The following NKAIN2 variants were observed in gnomAD, a reference collection of about 807,000 sequenced individuals.
The protein encoded by NKAIN2 is sodium/potassium-transporting ATPase subunit beta-1-interacting protein 2.
NKAIN2 carries 14 observed loss-of-function variants against 32.6 expected under a neutral mutation model. The ratio of observed to expected loss-of-function variants is 0.43; its 90% confidence interval spans 0.28 to 0.67. NKAIN2 has a LOEUF of 0.67. Among genes scored for constraint, NKAIN2 ranks in the 30% least tolerant of loss-of-function variants. NKAIN2 has a pLI of 0.17. For missense variants in NKAIN2, 198 were observed against 258.3 expected (o/e 0.77, Z 1.60); for synonymous variants, 80 against 87.2 (o/e 0.92, Z 0.46).
Position 124,355,320 on chromosome 6 carries a change from C to G in NKAIN2, c.246C>G (p.Phe82Leu). 4.3e-6 allele frequency: 7 copies of G among 1,609,950 alleles called. No homozygotes were observed. Among genetic ancestry groups the G allele is most frequent in the Non-Finnish European group, 6.0e-6 (7 of 1,176,320 alleles). The change falls in exon 3 of 7, where the codon TTC (phenylalanine) becomes TTG (leucine). Residue 82 changes from phenylalanine (F) to leucine (L), a missense_variant. Coordinates refer to ENST00000368417, the MANE Select transcript of NKAIN2 (RefSeq NM_001040214.3). ...CGTGGAATGTGTTTGTTATCTGCTT[C>G]TATTTGGAGGCTGGGGACCTCTCAA... ...WVTWNVFVIC[F>L]YLEAGDLSKE... is the part of the protein sequence containing the mutation.
chr6:124,527,141 A>G (rs1429471696), intron 3 of NKAIN2, among the ~76,000 whole-genome samples: 3 of 152,160 alleles, frequency 2.0e-5, no homozygotes, highest in Non-Finnish European at 4.4e-5. Context: ...AGGCAAATCA[A>G]TGCAAGTCTT....
intron 3 of NKAIN2, among the ~76,000 whole-genome samples, chr6:124,489,614 C>T (rs951496088): frequency 1.3e-5 from 2 of 151,848 alleles, no homozygotes; most frequent in Admixed American, 6.6e-5. Context: ...TTGAATATCT[C>T]ATATAATTTA....
At chr6:123,932,597 T>G (rs1776306119) in intron 1 of NKAIN2, among the ~76,000 whole-genome samples, 1 of 151,792 alleles carries the variant, frequency 6.6e-6, no homozygotes, top group Admixed American at 6.6e-5. Flanking sequence ...TTTCTATTTT[T>G]TAGTAGAGAC....
chr6:123,834,992 T>C (rs1474792558), intron 1 of NKAIN2, among the ~76,000 whole-genome samples: 2 of 152,198 alleles, frequency 1.3e-5, no homozygotes, highest in South Asian at 2.1e-4. Flanking sequence ...AGGATTTCTA[T>C]ATCTATGTTC....
chr6:124,157,651 C>T (rs754531342), intron 1 of NKAIN2, among the ~76,000 whole-genome samples: 1 of 152,074 alleles, frequency 6.6e-6, no homozygotes, highest in South Asian at 2.1e-4. Context: ...TGATCATGTA[C>T]GTATGCTTTT....
At chr6:124,298,422 C>G (rs868212951) in intron 2 of NKAIN2, among the ~76,000 whole-genome samples, 32 of 152,032 alleles carry the variant, frequency 2.1e-4, no homozygotes, top group Middle Eastern at 3.2e-3. Context: ...ATTCGAATTA[C>G]TAGGAATGAA....
intron 3 of NKAIN2, among the ~76,000 whole-genome samples, chr6:124,492,076 G>C (rs560037983): frequency 6.6e-6 from 1 of 151,894 alleles, no homozygotes. Flanking sequence ...AAAGGTAAAA[G>C]AAGACCTATT....
At chr6:124,795,152 A>T (rs1562387562) in intron 5 of NKAIN2, among the ~76,000 whole-genome samples, 1 of 152,162 alleles carries the variant, frequency 6.6e-6, no homozygotes, top group Non-Finnish European at 1.5e-5. Context: ...TTAAGTTTCC[A>T]TTACTAAGAG....
intron 3 of NKAIN2, among the ~76,000 whole-genome samples, chr6:124,648,610 G>A (rs1402021615): frequency 6.6e-6 from 1 of 152,126 alleles, no homozygotes; most frequent in African/African-American, 2.4e-5. Flanking sequence ...CAAGTTCATG[G>A]AGTGTGATGG....
At chr6:124,356,800 T>C (rs1799005667) in intron 3 of NKAIN2, among the ~76,000 whole-genome samples, 1 of 152,208 alleles carries the variant, frequency 6.6e-6, no homozygotes. Context: ...ATCCACTTTC[T>C]TCAAAGGAAT....
intron 1 of NKAIN2, among the ~76,000 whole-genome samples, chr6:123,916,767 T>A (rs1775516336): frequency 6.6e-6 from 1 of 151,568 alleles, no homozygotes; most frequent in African/African-American, 2.4e-5. Flanking sequence ...TATGTATCTA[T>A]CTTATCTATG....
At chr6:124,791,467 C>T (rs1779740323) in intron 5 of NKAIN2, 68 bp downstream of exon 5, 1 of 1,020,858 alleles carries the variant, frequency 9.8e-7, no homozygotes, top group Non-Finnish European at 1.5e-6. Flanking sequence ...TCCTACTTAG[C>T]CTTCCTATTC....
At chr6:124,373,349 A>G (rs189928583) in intron 3 of NKAIN2, among the ~76,000 whole-genome samples, 2 of 152,236 alleles carry the variant, frequency 1.3e-5, no homozygotes, top group African/African-American at 4.8e-5. Flanking sequence ...AAATGAAAGT[A>G]GTATGTGTGC....
chr6:124,258,624 A>C (rs1166875547), intron 1 of NKAIN2, among the ~76,000 whole-genome samples: 1 of 152,176 alleles, frequency 6.6e-6, no homozygotes, highest in Non-Finnish European at 1.5e-5. Flanking sequence ...AAGTTACTTA[A>C]CCTCTCTGGG....
intron 5 of NKAIN2, among the ~76,000 whole-genome samples, chr6:124,805,096 G>GTCTGA (rs1398797538): frequency 6.9e-6 from 1 of 145,746 alleles, no homozygotes; most frequent in African/African-American, 2.4e-5. Context: ...AGTAACCTCT[G>GTCTGA]CAGACTTAAA....
At chr6:124,597,759 C>T (rs897024425) in intron 3 of NKAIN2, among the ~76,000 whole-genome samples, 11 of 152,060 alleles carry the variant, frequency 7.2e-5, no homozygotes, top group Admixed American at 2.6e-4. Flanking sequence ...TTCCTCTAAC[C>T]CTGAACAAAT....
intron 1 of NKAIN2, among the ~76,000 whole-genome samples, chr6:124,233,614 G>A (rs990704490): frequency 3.9e-5 from 6 of 152,122 alleles, no homozygotes; most frequent in Non-Finnish European, 8.8e-5. Context: ...CCCACATAAG[G>A]CATCTTGACT....
intron 2 of NKAIN2, among the ~76,000 whole-genome samples, chr6:124,288,344 A>C (rs921742454): frequency 1.1e-4 from 17 of 152,220 alleles, no homozygotes; most frequent in Non-Finnish European, 2.2e-4. Flanking sequence ...ATAAATGAAC[A>C]AAGGTGCTGT....
In NKAIN2 at chr6:124,532,064, A is replaced by G. The variant is rs60123108; in HGVS notation, c.274-126122A>G. On this transcript the variant is annotated intron_variant, in intron 3 of 6. Transcript: ENST00000368417. ...TGTCTGATTTAGTAGCCAGTCCCTC[A>G]GGTGAAGGATGTAAACGTTGGGGTG... Among the ~76,000 whole-genome samples, 497 of 152,310 alleles carry G rather than the reference A, an allele frequency of 3.3e-3. 4 individuals carry two copies. Among genetic ancestry groups the G allele is most frequent in the African/African-American group, 0.011 (476 of 41,570 alleles).
Sources: allele counts gnomAD v4.1 joint callset (sites outside exome capture counted in the v4.1 genomes callset), GRCh38; gene constraint gnomAD v4.1.1; transcripts MANE v1.5; gene names NCBI Gene and HGNC (gene_info 2026-07-23, HGNC 2026-07-21).